CUL1: variants seen among roughly 807,000 people sequenced by gnomAD.
CUL1 encodes cullin-1.
In CUL1, 24 loss-of-function variants were observed where a neutral mutation model predicts 118.0. The observed-to-expected ratio is 0.20, with a 90% CI of 0.15 to 0.29. The LOEUF (loss-of-function observed/expected upper bound fraction) is 0.29. CUL1 is among the 10% of genes least tolerant of loss of function. The probability of loss-of-function intolerance (pLI) is 1.00; values close to 1 mark genes in which losing one functional copy is unlikely to be tolerated. For synonymous variants in CUL1, 332 were observed against 340.4 expected (o/e 0.98, Z 0.27); for missense variants, 361 against 933.8 (o/e 0.39, Z 7.99).
At chr7:148,786,480 C>A in intron 11 of CUL1, 71 bp from the exon 12 acceptor site, 1 of 1,155,322 alleles carries the variant, frequency 8.7e-7, no homozygotes, top group Non-Finnish European at 1.3e-6. Flanking sequence ...CTTGAAGCTG[C>A]ATTCTGGCTA....
chr7:148,767,156 A>G (rs1800034306), intron 8 of CUL1, among the ~76,000 whole-genome samples: 1 of 152,194 alleles, frequency 6.6e-6, no homozygotes, highest in African/African-American at 2.4e-5. Flanking sequence ...TCTTAAATCA[A>G]TTTGGGAGAC....
intron 17 of CUL1, among the ~76,000 whole-genome samples, chr7:148,796,087 T>G (rs1294429138): frequency 6.6e-6 from 1 of 152,226 alleles, no homozygotes; most frequent in African/African-American, 2.4e-5. Context: ...TTTTACTGTT[T>G]AACTGTGATG....
intron 1 of CUL1, among the ~76,000 whole-genome samples, chr7:148,707,662 C>T (rs937864379): frequency 7.9e-5 from 12 of 151,728 alleles, no homozygotes; most frequent in African/African-American, 2.9e-4. Flanking sequence ...CCTGACAGGC[C>T]CCAGTGAGTG....
At position 148,711,494 on chromosome 7, in the gene CUL1, A is replaced by G. The variant is rs186399842; in HGVS notation, c.-162+12465A>G. Among the ~76,000 whole-genome samples the G allele has an allele frequency of 5.9e-4, 90 of 152,334 alleles. 1 individual carries two copies. The highest frequency in any genetic ancestry group is 3.4e-3 in the Middle Eastern group (1 of 294). ...CCCAGTTCCTTCAGGAGAGCGGTTA[A>G]AGTGGTAAATTGTCTTTAAAACAAA... On this transcript the variant is annotated intron_variant, in intron 1 of 21. Coordinates refer to ENST00000325222, the MANE Select transcript of CUL1 (RefSeq NM_003592.3).
chr7:148,763,949 A>C (rs1297909709), intron 7 of CUL1, among the ~76,000 whole-genome samples: 2 of 152,190 alleles, frequency 1.3e-5, no homozygotes, highest in East Asian at 3.9e-4. Flanking sequence ...TTTACAGGAA[A>C]CATCTAAGAA....
intron 9 of CUL1, among the ~76,000 whole-genome samples, chr7:148,768,486 G>A (rs1018185513): frequency 6.8e-6 from 1 of 146,558 alleles, no homozygotes; most frequent in Non-Finnish European, 1.5e-5. Context: ...CTGGGTTCAA[G>A]TGATTCTCCT....
chr7:148,701,119 C>A (rs1407785297), intron 1 of CUL1, among the ~76,000 whole-genome samples: 1 of 152,072 alleles, frequency 6.6e-6, no homozygotes. Flanking sequence ...AGTAACAGAA[C>A]TTGGTTGTGG....
At chr7:148,707,346 T>C (rs894469735) in intron 1 of CUL1, among the ~76,000 whole-genome samples, 4 of 152,132 alleles carry the variant, frequency 2.6e-5, no homozygotes, top group Admixed American at 6.5e-5. Flanking sequence ...GAAATAATTT[T>C]TGCTTCACCC....
At chr7:148,783,414 C>A (rs940752914) in intron 9 of CUL1, 1 of 985,352 alleles carries the variant, frequency 1.0e-6, no homozygotes, top group Non-Finnish European at 1.2e-6. Flanking sequence ...GGCTAAACGC[C>A]TTCTCCAGCT....
intron 1 of CUL1, among the ~76,000 whole-genome samples, chr7:148,711,899 G>A (rs938983637): frequency 6.6e-6 from 1 of 152,220 alleles, no homozygotes; most frequent in South Asian, 2.1e-4. Flanking sequence ...AGTTAATAGC[G>A]TTTGTGGTTG....
At chr7:148,786,951 T>C (rs983098904) in intron 12 of CUL1, 38 bp from the exon 13 acceptor site, 21 of 1,594,600 alleles carry the variant, frequency 1.3e-5, no homozygotes, top group Middle Eastern at 1.9e-4. Flanking sequence ...GGCTTGTGTG[T>C]GTGCTGGTTA....
chr7:148,707,952 C>T (rs903951774), intron 1 of CUL1, among the ~76,000 whole-genome samples: 6 of 152,162 alleles, frequency 3.9e-5, no homozygotes, highest in African/African-American at 1.4e-4. Context: ...TCTCCAGTGT[C>T]CCCTTCTGAG....
At chr7:148,768,896 T>C (rs3823635) in intron 9 of CUL1, among the ~76,000 whole-genome samples, 69,272 of 152,012 alleles carry the variant, frequency 0.46, 16,354 homozygotes, top group Non-Finnish European at 0.52. Flanking sequence ...CTATGAATTA[T>C]TAAAGGGTTG....
At chr7:148,701,378 G>A (rs1563143672) in intron 1 of CUL1, among the ~76,000 whole-genome samples, 1 of 151,896 alleles carries the variant, frequency 6.6e-6, no homozygotes, top group African/African-American at 2.4e-5. Flanking sequence ...TCTAGTACAG[G>A]GCCCTAACAG....
intron 9 of CUL1, among the ~76,000 whole-genome samples, chr7:148,778,977 T>C (rs892890932): frequency 3.9e-5 from 6 of 152,198 alleles, no homozygotes; most frequent in African/African-American, 1.4e-4. Flanking sequence ...GTTCGAGTGT[T>C]AAAGTATCAC....
chr7:148,716,959 A>T (rs1486506191), intron 1 of CUL1, among the ~76,000 whole-genome samples: 1 of 152,216 alleles, frequency 6.6e-6, no homozygotes, highest in African/African-American at 2.4e-5. Context: ...TGCATCTGTC[A>T]TGTTATTAGA....
At chr7:148,754,190 A>G (rs766678018) in intron 3 of CUL1, 40 bp downstream of exon 3, 2 of 1,319,546 alleles carry the variant, frequency 1.5e-6, no homozygotes, top group South Asian at 1.4e-5. Flanking sequence ...TCATAACAGG[A>G]TATAAAAAAA....
chr7:148,703,777 T>C (rs1585522206), intron 1 of CUL1, among the ~76,000 whole-genome samples: 1 of 152,076 alleles, frequency 6.6e-6, no homozygotes, highest in East Asian at 1.9e-4. Context: ...GTGATTCACC[T>C]GCCTTAGCCT....
chr7:148,748,377 G>A (rs73467460), intron 2 of CUL1, among the ~76,000 whole-genome samples: 300 of 152,164 alleles, frequency 2.0e-3, no homozygotes, highest in African/African-American at 7.0e-3. Flanking sequence ...AATTCCAACC[G>A]AAAGGTATAA....
Sources: allele counts gnomAD v4.1 joint callset (sites outside exome capture counted in the v4.1 genomes callset), GRCh38; gene constraint gnomAD v4.1.1; transcripts MANE v1.5; gene names NCBI Gene and HGNC (gene_info 2026-07-23, HGNC 2026-07-21).